Variants in ANKRD6 observed in about 807,000 individuals in gnomAD.
The protein encoded by ANKRD6 is ankyrin repeat domain-containing protein 6.
ANKRD6 carries 56 observed loss-of-function variants against 82.3 expected under a neutral mutation model. The observed-to-expected ratio is 0.68, with a 90% CI of 0.55 to 0.85. The LOEUF (loss-of-function observed/expected upper bound fraction) is 0.85. Among genes scored for constraint, ANKRD6 ranks in the 40% least tolerant of loss-of-function variants. The pLI, the probability that ANKRD6 is intolerant of heterozygous loss-of-function variation, is 0.00. For synonymous variants in ANKRD6, 347 were observed against 352.1 expected (o/e 0.99, Z 0.16); for missense variants, 852 against 907.6 (o/e 0.94, Z 0.79).
rs564649235 is a variant in ANKRD6 at position 89,503,459 on chromosome 6, T to G, written c.-143-63375T>G. ...AGTTTAGGTTGCTCTGGACAGAGTATGGGCTTCTGAGTCAGAGGGAACTTG... is the reference window on the plus strand; with the variant it reads ...AGTTTAGGTTGCTCTGGACAGAGTAGGGGCTTCTGAGTCAGAGGGAACTTG... On this transcript the variant is annotated intron_variant, in intron 1 of 15. Transcript: ENST00000339746. 3.9e-5 allele frequency among the ~76,000 whole-genome samples: 6 copies of G among 152,330 alleles called. No individual in the cohort carries two copies. In the East Asian group the frequency reaches 9.6e-4, roughly 24 times the overall value.
At chr6:89,586,633 G>GC (rs1562932591) in intron 2 of ANKRD6, among the ~76,000 whole-genome samples, 1 of 152,100 alleles carries the variant, frequency 6.6e-6, no homozygotes, top group Non-Finnish European at 1.5e-5. Context: ...GTTGCAGTGA[G>GC]CTGAGATCAT....
chr6:89,584,790 G>C (rs74741298), intron 2 of ANKRD6, among the ~76,000 whole-genome samples: 2,406 of 152,286 alleles, frequency 0.016, 78 homozygotes, highest in African/African-American at 0.055. Flanking sequence ...TTAAACAACA[G>C]ACATTTATTT....
Position 89,612,344 on chromosome 6 carries a change from G to T in ANKRD6, c.490G>T (p.Gly164Trp). 1 of 1,562,404 alleles carries T rather than the reference G, an allele frequency of 6.4e-7. No homozygotes were observed. Among genetic ancestry groups the T allele is most frequent in the Non-Finnish European group, 8.7e-7 (1 of 1,152,624 alleles). The change falls in exon 6 of 16, where the codon GGG (glycine) becomes TGG (tryptophan). Residue 164 changes from glycine to tryptophan, a missense_variant. By Grantham distance (184) the Gly-to-Trp change is radical. Coordinates refer to ENST00000339746, the MANE Select transcript of ANKRD6 (RefSeq NM_001242809.2). ...GAGCACGCGCGTCCTCCTGCTGGCCGGGTCCCGCGCTGACCTCAAAAATAA... is the reference window on the plus strand; with the variant it reads ...GAGCACGCGCGTCCTCCTGCTGGCCTGGTCCCGCGCTGACCTCAAAAATAA... ...SQSTRVLLLA[G>W]SRADLKNNAG...
intron 1 of ANKRD6, among the ~76,000 whole-genome samples, chr6:89,453,664 T>C (rs1923171): frequency 0.17 from 26,079 of 151,932 alleles, 2,992 homozygotes; most frequent in East Asian, 0.4. Context: ...ACTGCAACCT[T>C]TGCCTCCCAG....
At chr6:89,441,119 T>A (rs2127936216) in intron 1 of ANKRD6, among the ~76,000 whole-genome samples, 1 of 152,168 alleles carries the variant, frequency 6.6e-6, no homozygotes, top group East Asian at 1.9e-4. Flanking sequence ...TTCACTATAG[T>A]GGGGATAAAT....
chr6:89,552,715 G>C (rs748528064), intron 1 of ANKRD6, among the ~76,000 whole-genome samples: 1 of 152,084 alleles, frequency 6.6e-6, no homozygotes, highest in African/African-American at 2.4e-5. Context: ...TAGCTCCCTA[G>C]CGTATTCTCC....
At chr6:89,441,299 C>T (rs1458599629) in intron 1 of ANKRD6, among the ~76,000 whole-genome samples, 7 of 152,020 alleles carry the variant, frequency 4.6e-5, no homozygotes, top group East Asian at 1.9e-4. Context: ...TACAGGCACC[C>T]GCCACCATGC....
intron 1 of ANKRD6, among the ~76,000 whole-genome samples, chr6:89,558,724 T>C (rs1323781478): frequency 6.6e-6 from 1 of 151,160 alleles, no homozygotes; most frequent in Non-Finnish European, 1.5e-5. Context: ...CCACAGACTC[T>C]AGTTAATAAT....
chr6:89,568,445 T>G (rs1216831006), intron 2 of ANKRD6: 1 of 152,218 alleles, frequency 6.6e-6, no homozygotes, highest in African/African-American at 2.4e-5. Flanking sequence ...TATAAACAGC[T>G]TTATTAAGAT....
intron 1 of ANKRD6, among the ~76,000 whole-genome samples, chr6:89,487,896 T>A (rs950399759): frequency 6.6e-6 from 1 of 152,254 alleles, no homozygotes; most frequent in Admixed American, 6.5e-5. Context: ...AATTGTGAAA[T>A]AGCAAGTCAG....
chr6:89,444,478 A>C (rs1771811893), intron 1 of ANKRD6, among the ~76,000 whole-genome samples: 1 of 152,156 alleles, frequency 6.6e-6, no homozygotes. Flanking sequence ...GCCTTAAAAC[A>C]TTTTTCATCT....
chr6:89,483,914 C>G (rs1055317857), intron 1 of ANKRD6, among the ~76,000 whole-genome samples: 1 of 152,180 alleles, frequency 6.6e-6, no homozygotes, highest in Admixed American at 6.5e-5. Context: ...CTGTCTCTCT[C>G]TCTCTCTCTA....
Position 89,459,089 on chromosome 6 carries a change from T to A in ANKRD6, c.-144+25714T>A, listed in dbSNP as rs370329643. Among the ~76,000 whole-genome samples the A allele has an allele frequency of 2.7e-3, 413 of 152,278 alleles. 1 individual carries two copies. The highest frequency in any genetic ancestry group is 8.5e-3 in the African/African-American group (355 of 41,548). ...CTTAAAATGAATATGTCTTTTTTTT[T>A]AAAATTGAGACGGAGTTTCACTCTT... On this transcript the variant is annotated intron_variant, in intron 1 of 15. Coordinates refer to ENST00000339746, the MANE Select transcript of ANKRD6 (RefSeq NM_001242809.2).
In ANKRD6 at chr6:89,535,424, A is replaced by G. The variant is rs546154965; in HGVS notation, c.-143-31410A>G. Among the ~76,000 whole-genome samples, 11 of 152,356 alleles carry G rather than the reference A, an allele frequency of 7.2e-5. No homozygotes were observed. The East Asian group carries it at 1.9e-3, about 27-fold the overall frequency. ...ATTTTGACAGCTGAAACAACAGACT[A>G]AAACTGTAGTTTAAAATACAAGCAC... On this transcript the variant is annotated intron_variant, in intron 1 of 15. Coordinates refer to ENST00000339746, the MANE Select transcript of ANKRD6 (RefSeq NM_001242809.2).
chr6:89,491,906 G>A (rs1232795609), intron 1 of ANKRD6, among the ~76,000 whole-genome samples: 2 of 152,178 alleles, frequency 1.3e-5, no homozygotes, highest in East Asian at 1.9e-4. Context: ...AGGTCGTGCT[G>A]TGTTTCCTCC....
intron 1 of ANKRD6, among the ~76,000 whole-genome samples, chr6:89,445,814 A>G (rs1267759940): frequency 6.6e-6 from 1 of 151,714 alleles, no homozygotes; most frequent in Non-Finnish European, 1.5e-5. Flanking sequence ...TCCTGACCTC[A>G]GGTGATCCTC....
chr6:89,570,281 G>A (rs1202989423), intron 2 of ANKRD6, among the ~76,000 whole-genome samples: 6 of 151,890 alleles, frequency 4.0e-5, no homozygotes, highest in African/African-American at 1.2e-4. Context: ...GGCTGGTCTC[G>A]AACTCCTGGT....
At position 89,433,826 on chromosome 6, in the gene ANKRD6, G is replaced by C. The variant is rs1323087000; in HGVS notation, c.-144+451G>C. Reference sequence around the variant, plus strand: ...CCCCGCCCTGGACGACAGCACTAGGGTGCAGTCGCAGGAGAGGGGCCGATA... The same window carrying C: ...CCCCGCCCTGGACGACAGCACTAGGCTGCAGTCGCAGGAGAGGGGCCGATA... On this transcript the variant is annotated intron_variant, in intron 1 of 15. Coordinates refer to ENST00000339746, the MANE Select transcript of ANKRD6 (RefSeq NM_001242809.2). This position sits in a 1 kb window ranked among gnomAD's most constrained non-coding sequence, Gnocchi z 4.3. Among the ~76,000 whole-genome samples the C allele has an allele frequency of 6.6e-6, 1 of 152,222 alleles. No individual in the cohort carries two copies. The highest frequency in any genetic ancestry group is 1.5e-5 in the Non-Finnish European group (1 of 68,022).
chr6:89,535,108 G>A (rs573053597), intron 1 of ANKRD6, among the ~76,000 whole-genome samples: 6 of 152,272 alleles, frequency 3.9e-5, no homozygotes, highest in African/African-American at 9.6e-5. Flanking sequence ...TTAAACAAGA[G>A]TAAAGTTCTC....
Sources: gnomAD v4.1 joint callset for allele counts (sites outside exome capture counted in the v4.1 genomes callset) on GRCh38, gnomAD v4.1.1 for gene constraint, Gnocchi (gnomAD v3.1) non-coding constraint, MANE v1.5 for transcripts, NCBI Gene and HGNC (gene_info 2026-07-23, HGNC 2026-07-21) for gene names.